The following ADAMTS12 variants were observed in gnomAD, a reference collection of about 807,000 sequenced individuals.
ADAMTS12 encodes the protein ADAM metallopeptidase with thrombospondin type 1 motif 12.
In ADAMTS12, 118 loss-of-function variants were observed where a neutral mutation model predicts 167.8. That is an observed-to-expected ratio of 0.70 (90% CI 0.61 to 0.82). ADAMTS12 has a LOEUF of 0.82. Ranked by LOEUF, ADAMTS12 falls within the 40% of genes least tolerant of loss-of-function variation. The probability of loss-of-function intolerance (pLI) is 0.00; values close to 1 mark genes in which losing one functional copy is unlikely to be tolerated. For synonymous variants in ADAMTS12, 704 were observed against 716.9 expected (o/e 0.98, Z 0.29); for missense variants, 1,916 against 1,998.8 (o/e 0.96, Z 0.79).
chr5:33,606,331 C>T (rs1455579011), intron 16 of ADAMTS12, among the ~76,000 whole-genome samples: 6 of 152,146 alleles, frequency 3.9e-5, no homozygotes, highest in African/African-American at 1.4e-4. Context: ...GCCATGGGAC[C>T]AGGGAAGATT....
chr5:33,769,071 C>A (rs749687004), intron 2 of ADAMTS12, among the ~76,000 whole-genome samples: 9 of 151,818 alleles, frequency 5.9e-5, no homozygotes, highest in Non-Finnish European at 1.2e-4. Context: ...GACAGAGGCA[C>A]AACAGAAAGA....
chr5:33,569,554 A>T (rs1226555225), intron 19 of ADAMTS12, among the ~76,000 whole-genome samples: 1 of 152,224 alleles, frequency 6.6e-6, no homozygotes, highest in Non-Finnish European at 1.5e-5. Flanking sequence ...TAGAAGGAAA[A>T]CTAACAAACA....
intron 20 of ADAMTS12, among the ~76,000 whole-genome samples, chr5:33,550,595 C>T (rs187810947): frequency 1.3e-5 from 2 of 152,096 alleles, no homozygotes; most frequent in Admixed American, 6.5e-5. Flanking sequence ...CCCATCACTG[C>T]TTTTTTTTAA....
At chr5:33,588,475 G>T (rs1472125916) in intron 18 of ADAMTS12, 124 bp downstream of exon 18, 18 of 1,108,200 alleles carry the variant, frequency 1.6e-5, no homozygotes, top group South Asian at 3.7e-5. Flanking sequence ...GACAGGCCAG[G>T]GGTGATGAAC....
In ADAMTS12 at chr5:33,692,020, G is replaced by A. The variant is rs371012409; in HGVS notation, c.635-7965C>T. On this transcript the variant is annotated intron_variant, in intron 3 of 23. Coordinates refer to ENST00000504830, the MANE Select transcript of ADAMTS12 (RefSeq NM_030955.4). ...GCATCAAGTCCTTAAAACTTACCAG[G>A]TCAAATACTGAACATGCCTGAGGCA... Among the ~76,000 whole-genome samples, 3 of 152,208 alleles carry A rather than the reference G, an allele frequency of 2.0e-5. No homozygotes were observed. The South Asian group carries it at 6.2e-4, about 32-fold the overall frequency.
At chr5:33,570,308 G>T (rs1214524762) in intron 19 of ADAMTS12, among the ~76,000 whole-genome samples, 1 of 152,194 alleles carries the variant, frequency 6.6e-6, no homozygotes, top group African/African-American at 2.4e-5. Context: ...ATTCACCAAA[G>T]TTGAAATGAA....
chr5:33,599,785 C>T (rs1306326341), intron 16 of ADAMTS12, among the ~76,000 whole-genome samples: 1 of 152,108 alleles, frequency 6.6e-6, no homozygotes, highest in Non-Finnish European at 1.5e-5. Context: ...CTCTGAAAAT[C>T]GATTGCTGAA....
intron 2 of ADAMTS12, among the ~76,000 whole-genome samples, chr5:33,793,924 C>CA (rs1164221574): frequency 6.6e-6 from 1 of 152,186 alleles, no homozygotes; most frequent in Non-Finnish European, 1.5e-5. Flanking sequence ...CACTCTCCCG[C>CA]AAGTTCTGGT....
intron 3 of ADAMTS12, among the ~76,000 whole-genome samples, chr5:33,688,620 G>A (rs1180539843): frequency 3.3e-5 from 5 of 152,280 alleles, no homozygotes; most frequent in African/African-American, 7.2e-5. Context: ...ACGCCTTGAC[G>A]AAGCCACACA....
intron 7 of ADAMTS12, among the ~76,000 whole-genome samples, chr5:33,654,874 T>TTATGTGTGTG (rs148735809): frequency 1.4e-5 from 2 of 141,568 alleles, no homozygotes; most frequent in South Asian, 2.4e-4. Flanking sequence ...GTGGGTGATT[T>TTATGTGTGTG]TGTGTGTGTG....
intron 6 of ADAMTS12, among the ~76,000 whole-genome samples, chr5:33,659,745 G>T (rs1741190275): frequency 6.6e-6 from 1 of 152,154 alleles, no homozygotes; most frequent in African/African-American, 2.4e-5. Context: ...ACCCACATTG[G>T]GTGTGTTTCA....
At chr5:33,874,883 C>T (rs1316251790) in intron 2 of ADAMTS12, among the ~76,000 whole-genome samples, 1 of 152,114 alleles carries the variant, frequency 6.6e-6, no homozygotes, top group Admixed American at 6.6e-5. Context: ...TTCTGGCCAA[C>T]ATGGTGAAAC....
intron 12 of ADAMTS12, among the ~76,000 whole-genome samples, chr5:33,631,924 C>T (rs943587768): frequency 3.3e-5 from 5 of 152,204 alleles, no homozygotes; most frequent in East Asian, 3.9e-4. Context: ...TCGTCATGGG[C>T]CCTTCTCACT....
At chr5:33,777,511 G>T (rs1281665271) in intron 2 of ADAMTS12, among the ~76,000 whole-genome samples, 1 of 152,052 alleles carries the variant, frequency 6.6e-6, no homozygotes, top group African/African-American at 2.4e-5. Flanking sequence ...AATAAATTGG[G>T]TATAGAAAGA....
chr5:33,783,270 G>A (rs1040025365), intron 2 of ADAMTS12, among the ~76,000 whole-genome samples: 4 of 151,778 alleles, frequency 2.6e-5, no homozygotes, highest in African/African-American at 4.8e-5. Context: ...TAGAGGGAAG[G>A]TTTCTAGCTT....
At chr5:33,868,357 T>A (rs139676796) in intron 2 of ADAMTS12, among the ~76,000 whole-genome samples, 139 of 152,246 alleles carry the variant, frequency 9.1e-4, no homozygotes, top group African/African-American at 3.2e-3. Flanking sequence ...AGGAGACTTG[T>A]TAAATTGCTG....
chr5:33,709,387 T>C (rs965433663), intron 3 of ADAMTS12, among the ~76,000 whole-genome samples: 49 of 152,190 alleles, frequency 3.2e-4, no homozygotes, highest in African/African-American at 1.2e-3. Flanking sequence ...CATTCTATTA[T>C]AAAGATACAT....
intron 14 of ADAMTS12, among the ~76,000 whole-genome samples, chr5:33,622,156 G>A (rs1015885530): frequency 6.6e-6 from 1 of 152,162 alleles, no homozygotes; most frequent in African/African-American, 2.4e-5. Context: ...TAACAGGGGA[G>A]CAGAAGACAT....
At chr5:33,814,443 G>A (rs1747576990) in intron 2 of ADAMTS12, among the ~76,000 whole-genome samples, 1 of 152,158 alleles carries the variant, frequency 6.6e-6, no homozygotes, top group Admixed American at 6.5e-5. Flanking sequence ...ATTTGCATAA[G>A]TTAAATTTAA....
Sources: allele counts gnomAD v4.1 joint callset (sites outside exome capture counted in the v4.1 genomes callset), GRCh38; gene constraint gnomAD v4.1.1; transcripts MANE v1.5; gene names NCBI Gene and HGNC (gene_info 2026-07-23, HGNC 2026-07-21).